Variants in HDAC9 observed in about 807,000 individuals in gnomAD.
HDAC9 encodes histone deacetylase 9, also known as MEF-2 interacting transcription repressor (MITR) protein.
Under a neutral mutation model 139.4 loss-of-function variants are expected in HDAC9, and 41 were observed. The ratio of observed to expected loss-of-function variants is 0.29; its 90% CI spans 0.23 to 0.38. The LOEUF is 0.38. Among genes scored for constraint, HDAC9 ranks in the 10% least tolerant of loss-of-function variants. HDAC9 has a pLI of 1.00. For missense variants in HDAC9, 1,147 were observed against 1,297.0 expected (o/e 0.88, Z 1.78); for synonymous variants, 517 against 476.2 (o/e 1.09, Z -1.12).
chr7:18,715,057 T>C (rs1262994830), intron 12 of HDAC9, among the ~76,000 whole-genome samples: 1 of 152,190 alleles, frequency 6.6e-6, no homozygotes, highest in Non-Finnish European at 1.5e-5. Flanking sequence ...TTTTAGATAT[T>C]ATGTTACATT....
chr7:18,617,877 T>C (rs1839095662), intron 6 of HDAC9, among the ~76,000 whole-genome samples: 1 of 152,200 alleles, frequency 6.6e-6, no homozygotes, highest in African/African-American at 2.4e-5. Context: ...TAAATAATTT[T>C]TAAGAATTTA....
intron 1 of HDAC9, among the ~76,000 whole-genome samples, chr7:18,099,560 GTTAC>G (rs1274594777): frequency 1.3e-5 from 2 of 152,168 alleles, no homozygotes; most frequent in Non-Finnish European, 2.9e-5. Flanking sequence ...CCCTTTTGGA[GTTAC>G]TTACTGCTTT....
At chr7:18,788,030 G>A (rs908607946) in intron 16 of HDAC9, among the ~76,000 whole-genome samples, 4 of 152,142 alleles carry the variant, frequency 2.6e-5, no homozygotes, top group Admixed American at 6.5e-5. Flanking sequence ...AGCTGAAGGG[G>A]TACCTGGATC....
At chr7:18,396,907 T>A (rs1455641116) in intron 1 of HDAC9, among the ~76,000 whole-genome samples, 31 of 152,206 alleles carry the variant, frequency 2.0e-4, no homozygotes, top group Non-Finnish European at 8.8e-5. Context: ...TTTGGTTTAC[T>A]TGTTTGTTTG....
intron 1 of HDAC9, among the ~76,000 whole-genome samples, chr7:18,137,516 G>T (rs983012858): frequency 4.0e-5 from 6 of 151,898 alleles, no homozygotes; most frequent in South Asian, 4.2e-4. Flanking sequence ...TAGCATGAAG[G>T]GTTGTTGAAT....
At chr7:18,744,697 G>T (rs1460405430) in intron 13 of HDAC9, among the ~76,000 whole-genome samples, 1 of 151,934 alleles carries the variant, frequency 6.6e-6, no homozygotes, top group Admixed American at 6.6e-5. Flanking sequence ...AGATTATATG[G>T]CTAAAAAATG....
At chr7:18,681,811 T>C (rs6961395) in intron 12 of HDAC9, among the ~76,000 whole-genome samples, 58,073 of 151,838 alleles carry the variant, frequency 0.38, 15,702 homozygotes, top group African/African-American at 0.75. Context: ...TGCCAAGATA[T>C]CGCCCCACCC....
Position 18,648,533 on chromosome 7 carries a change from T to A in HDAC9, c.1317T>A (p.Gly439=), listed in dbSNP as rs750554441. 1.5e-5 allele frequency: 24 copies of A among 1,613,476 alleles called. No individual in the cohort carries two copies. Among genetic ancestry groups the A allele is most frequent in the Non-Finnish European group, 1.9e-5 (23 of 1,179,750 alleles). ...TKERISPGIR[G]THKLPRHRPL... ...AGAGAATTTCACCTGGCATTAGAGGTACCCACAAATTGCCCCGTCACAGAC... is the reference window on the plus strand; with the variant it reads ...AGAGAATTTCACCTGGCATTAGAGGAACCCACAAATTGCCCCGTCACAGAC... Residue 439 remains glycine (G), a synonymous_variant, in exon 11 of 26, where the codon GGT becomes GGA. Transcript: ENST00000686413.
intron 1 of HDAC9, among the ~76,000 whole-genome samples, chr7:18,463,182 A>T (rs1255387082): frequency 6.6e-6 from 1 of 151,982 alleles, no homozygotes; most frequent in Non-Finnish European, 1.5e-5. Flanking sequence ...TTTAGTCTCT[A>T]TGTTTACGAA....
chr7:18,658,437 T>A (rs17150245), intron 11 of HDAC9, among the ~76,000 whole-genome samples: 18,859 of 152,126 alleles, frequency 0.12, 1,727 homozygotes, highest in East Asian at 0.4. Flanking sequence ...TTGCAGGCAT[T>A]GTTTTGGACA....
intron 1 of HDAC9, among the ~76,000 whole-genome samples, chr7:18,101,932 C>T (rs930298400): frequency 6.6e-6 from 1 of 152,074 alleles, no homozygotes; most frequent in African/African-American, 2.4e-5. Flanking sequence ...CATAAAACAG[C>T]TCATAAATTA....
chr7:18,360,422 C>T (rs1783684694), intron 1 of HDAC9, among the ~76,000 whole-genome samples: 2 of 152,098 alleles, frequency 1.3e-5, no homozygotes, highest in African/African-American at 4.8e-5. Context: ...CATGCATCAA[C>T]CTTATGACTT....
chr7:18,873,050 C>T (rs927857104), intron 21 of HDAC9, among the ~76,000 whole-genome samples: 1 of 152,044 alleles, frequency 6.6e-6, no homozygotes, highest in Non-Finnish European at 1.5e-5. Context: ...TCCCAACATA[C>T]ACCACAATAC....
Position 19,000,187 on chromosome 7 carries a change from T to A in HDAC9, c.*4125T>A, listed in dbSNP as rs950932093. 6.6e-6 allele frequency: 1 copy of A among 152,232 alleles called. No individual in the cohort carries two copies. The highest frequency in any genetic ancestry group is 1.5e-5 in the Non-Finnish European group (1 of 68,046). The allele number at this position is 152,232 out of a possible 1,614,324, so 9.4% of individuals were successfully genotyped here. A position where few individuals can be genotyped will look rare whatever the true frequency, so the allele number is the denominator to read the frequency against. ...AACATGGTCATGATCATCATCAAAT[T>A]TCTTGTTTCCAAAGGCCACTATTGT... On this transcript the variant is annotated 3_prime_UTR_variant, in exon 26 of 26. Coordinates refer to ENST00000686413, the MANE Select transcript of HDAC9 (RefSeq NM_178425.4).
chr7:18,137,349 G>A (rs1785502623), intron 1 of HDAC9, among the ~76,000 whole-genome samples: 1 of 150,208 alleles, frequency 6.7e-6, no homozygotes, highest in Non-Finnish European at 1.5e-5. Context: ...ATGTTGAATA[G>A]GAGTGGTGAG....
At chr7:18,160,978 GC>G (rs1215642602) in intron 1 of HDAC9, among the ~76,000 whole-genome samples, 2 of 152,100 alleles carry the variant, frequency 1.3e-5, no homozygotes, top group Non-Finnish European at 2.9e-5. Flanking sequence ...AAAAAAGTTT[GC>G]TTTTCATTTT....
At chr7:18,438,607 A>T (rs1035393791) in intron 1 of HDAC9, among the ~76,000 whole-genome samples, 2 of 152,016 alleles carry the variant, frequency 1.3e-5, no homozygotes, top group African/African-American at 4.8e-5. Context: ...TGTCCAAGAC[A>T]TGTTGCTAAG....
chr7:18,916,805 C>T (rs2129293099), intron 22 of HDAC9, among the ~76,000 whole-genome samples: 1 of 152,124 alleles, frequency 6.6e-6, no homozygotes, highest in East Asian at 1.9e-4. Context: ...CTGGCCATGT[C>T]TTCGCAAAGA....
At chr7:18,803,036 T>C (rs1239672397) in intron 17 of HDAC9, among the ~76,000 whole-genome samples, 1 of 151,950 alleles carries the variant, frequency 6.6e-6, no homozygotes, top group Non-Finnish European at 1.5e-5. Context: ...TTCTTTTTGT[T>C]CCATTATTGG....
Sources: gnomAD v4.1 joint callset for allele counts (sites outside exome capture counted in the v4.1 genomes callset) on GRCh38, gnomAD v4.1.1 for gene constraint, MANE v1.5 for transcripts, NCBI Gene and HGNC (gene_info 2026-07-23, HGNC 2026-07-21) for gene names.